Variants in CEP162 observed in about 807,000 individuals in gnomAD.
CEP162 encodes the protein centrosomal protein of 162 kDa.
CEP162 carries 141 observed loss-of-function variants against 169.2 expected under a neutral mutation model. The ratio of observed to expected loss-of-function variants is 0.83; its 90% CI spans 0.73 to 0.96. The LOEUF (loss-of-function observed/expected upper bound fraction) is 0.96, where lower values mean the gene tolerates loss of function less well. Among genes scored for constraint, CEP162 ranks in the 40% least tolerant of loss-of-function variants. The pLI, the probability that CEP162 is intolerant of heterozygous loss-of-function variation, is 0.00. For synonymous variants in CEP162, 540 were observed against 526.4 expected, an observed-to-expected ratio of 1.03 and a Z score of -0.35; for missense variants, 1,600 against 1,587.2, an observed-to-expected ratio of 1.01 and a Z score of -0.14.
chr6:84,157,159 T>C (rs1200044436), intron 21 of CEP162, among the ~76,000 whole-genome samples: 3 of 152,208 alleles, frequency 2.0e-5, no homozygotes, highest in Non-Finnish European at 2.9e-5. Context: ...GTCACAAATA[T>C]ATGTAAAATA....
At chr6:84,227,031 G>A in intron 1 of CEP162, among the ~76,000 whole-genome samples, 1 of 152,170 alleles carries the variant, frequency 6.6e-6, no homozygotes, top group East Asian at 1.9e-4. Context: ...TAAAGTTAAT[G>A]GAGTACACAA....
rs2127712655 is a variant in CEP162 at position 84,185,431 on chromosome 6, A to C, written c.1419T>G (p.Leu473=). 1 of 1,613,272 alleles carries C rather than the reference A, an allele frequency of 6.2e-7. No individual in the cohort carries two copies. The highest frequency in any genetic ancestry group is 1.3e-5 in the African/African-American group (1 of 75,024). The change falls in exon 13 of 27, where the codon CTT becomes CTG. Residue 473 remains leucine (L), a synonymous_variant. Transcript: ENST00000403245. ...TTACAGCCCCTTCTTCTTCAGAACT[A>C]AGTTGAGATCTGTAAGTCTGTACAC... ...DKINKTYRSQ[L]SSEEEGAVMG... is the part of the protein sequence containing the mutation.
chr6:84,195,537 C>T (rs1562070003), intron 9 of CEP162, among the ~76,000 whole-genome samples: 2 of 152,344 alleles, frequency 1.3e-5, no homozygotes, highest in East Asian at 1.9e-4. Context: ...CTGCTATGAT[C>T]AAAAGCAATT....
At chr6:84,153,966 C>T (rs1312383105) in intron 22 of CEP162, among the ~76,000 whole-genome samples, 2 of 152,064 alleles carry the variant, frequency 1.3e-5, no homozygotes, top group East Asian at 3.9e-4. Flanking sequence ...GAAGACTGCA[C>T]AGAGATAGCA....
intron 18 of CEP162, among the ~76,000 whole-genome samples, chr6:84,164,761 T>A (rs1222511200): frequency 6.6e-6 from 1 of 152,064 alleles, no homozygotes; most frequent in African/African-American, 2.4e-5. Context: ...GCTTAAAACC[T>A]ACATGATAGG....
intron 25 of CEP162, among the ~76,000 whole-genome samples, chr6:84,134,923 C>A (rs201944052): frequency 3.6e-5 from 1 of 27,808 alleles, no homozygotes; most frequent in African/African-American, 9.0e-5. Context: ...CATATATACA[C>A]ACACACACAC....
At chr6:84,187,330 G>A (rs1309580407) in intron 11 of CEP162, among the ~76,000 whole-genome samples, 1 of 152,114 alleles carries the variant, frequency 6.6e-6, no homozygotes, top group Non-Finnish European at 1.5e-5. Context: ...ATATTTAATC[G>A]TGTGTCAATT....
intron 18 of CEP162, 67 bp downstream of exon 18, chr6:84,169,261 G>A (rs958954910): frequency 1.8e-5 from 15 of 839,900 alleles, no homozygotes; most frequent in Non-Finnish European, 2.8e-5. Flanking sequence ...ATAAAAATTT[G>A]TATAAAAATG....
At chr6:84,125,687 G>A (rs555250140) in intron 26 of CEP162, among the ~76,000 whole-genome samples, 261 of 152,162 alleles carry the variant, frequency 1.7e-3, no homozygotes, top group Middle Eastern at 6.8e-3. Flanking sequence ...TGGTACTGAG[G>A]AAAGATCATG....
In CEP162 at chr6:84,215,842, C is replaced by T; in HGVS notation, c.253G>A (p.Glu85Lys). 6.3e-7 allele frequency: 1 copy of T among 1,585,478 alleles called. No homozygotes were observed. Among genetic ancestry groups the T allele is most frequent in the South Asian group, 1.2e-5 (1 of 86,844 alleles). The change falls in exon 4 of 27, where the codon GAA becomes AAA. Residue 85 changes from glutamate to lysine, a missense_variant. By Grantham distance (56) the Glu-to-Lys change is moderately conservative. Transcript: ENST00000403245. ...PVMEIEEESA[E>K]KIQFLKSSGT... Reference sequence around the variant, plus strand: ...CTGCTCTTAAGAAATTGAATCTTTTCAGCAGACTCCTCTTCTATTTCCATA... The same window carrying T: ...CTGCTCTTAAGAAATTGAATCTTTTTAGCAGACTCCTCTTCTATTTCCATA...
intron 7 of CEP162, among the ~76,000 whole-genome samples, chr6:84,202,518 C>CTTTTTTTTTTTTTTTTT (rs70987776): frequency 8.8e-5 from 8 of 90,772 alleles, no homozygotes; most frequent in Admixed American, 1.2e-4. Flanking sequence ...TTCTTTCTTT[C>CTTTTTTTTTTTTTTTTT]TTTTTTTTTT....
chr6:84,148,958 T>C (rs2099520097), intron 24 of CEP162, among the ~76,000 whole-genome samples: 1 of 152,150 alleles, frequency 6.6e-6, no homozygotes, highest in Non-Finnish European at 1.5e-5. Context: ...ATAGATATTC[T>C]AAGTAGATAT....
chr6:84,203,490 G>A (rs568226142), intron 7 of CEP162, among the ~76,000 whole-genome samples: 1 of 152,234 alleles, frequency 6.6e-6, no homozygotes, highest in East Asian at 1.9e-4. Flanking sequence ...CATCAACCAG[G>A]CTGGAGTGCA....
At chr6:84,135,730 G>A (rs534881865) in intron 25 of CEP162, among the ~76,000 whole-genome samples, 1 of 152,184 alleles carries the variant, frequency 6.6e-6, no homozygotes, top group South Asian at 2.1e-4. Context: ...GGGTGTGATG[G>A]CACAATCCTG....
intron 1 of CEP162, among the ~76,000 whole-genome samples, 160 bp downstream of exon 1, chr6:84,227,420 G>A (rs1158401156): frequency 2.0e-5 from 3 of 152,182 alleles, no homozygotes; most frequent in Non-Finnish European, 4.4e-5. Context: ...CCAGAAGCGC[G>A]GGTTCGGGAA....
At chr6:84,137,099 T>C (rs192973106) in intron 25 of CEP162, among the ~76,000 whole-genome samples, 21 of 152,336 alleles carry the variant, frequency 1.4e-4, no homozygotes, top group South Asian at 4.1e-4. Flanking sequence ...ATAAGAGTCA[T>C]ACCTGGCAGG....
intron 23 of CEP162, 60 bp downstream of exon 23, chr6:84,152,485 A>T: frequency 1.1e-6 from 1 of 942,324 alleles, no homozygotes; most frequent in Non-Finnish European, 1.5e-6. Flanking sequence ...TATATCGTAT[A>T]ATTTTTCTAT....
chr6:84,166,989 AT>A (rs1397605652), intron 18 of CEP162, among the ~76,000 whole-genome samples: 1 of 151,934 alleles, frequency 6.6e-6, no homozygotes, highest in South Asian at 2.1e-4. Flanking sequence ...TAACACCTTT[AT>A]TTTTTTTCCC....
At chr6:84,127,597 GACTAA>G (rs771687773) in intron 25 of CEP162, among the ~76,000 whole-genome samples, 26 of 152,108 alleles carry the variant, frequency 1.7e-4, no homozygotes, top group Non-Finnish European at 3.1e-4. Context: ...AAAAACTAAT[GACTAA>G]ACTAAGAAAG....
Sources: allele counts gnomAD v4.1 joint callset (sites outside exome capture counted in the v4.1 genomes callset), GRCh38; gene constraint gnomAD v4.1.1; transcripts MANE v1.5; gene names NCBI Gene and HGNC (gene_info 2026-07-23, HGNC 2026-07-21).